Variants in AEBP2 observed in about 807,000 individuals in gnomAD.
AEBP2 encodes AE binding protein 2.
Under a neutral mutation model 50.8 loss-of-function variants are expected in AEBP2, and 10 were observed. That is an observed-to-expected ratio of 0.20 (90% CI 0.12 to 0.33). AEBP2 has a LOEUF of 0.33. Ranked by LOEUF, AEBP2 falls within the 10% of genes least tolerant of loss-of-function variation. The pLI is 1.00. For synonymous variants in AEBP2, 296 were observed against 261.3 expected, an observed-to-expected ratio of 1.13 and a Z score of -1.28; for missense variants, 570 against 688.0, an observed-to-expected ratio of 0.83 and a Z score of 1.92.
intron 3 of AEBP2, among the ~76,000 whole-genome samples, chr12:19,489,081 G>T (rs1460140392): frequency 6.6e-6 from 1 of 152,186 alleles, no homozygotes; most frequent in Non-Finnish European, 1.5e-5. Flanking sequence ...GAGCCACCAT[G>T]CCTGGCCAAC....
chr12:19,404,978 A>T (rs1237567774), intron 1 of AEBP2, among the ~76,000 whole-genome samples: 1 of 120,342 alleles, frequency 8.3e-6, no homozygotes, highest in Non-Finnish European at 1.6e-5. Context: ...TGTGTTGCCC[A>T]GGCTGGAGTG....
chr12:19,430,136 C>T (rs576539892), intron 1 of AEBP2, among the ~76,000 whole-genome samples: 1 of 152,194 alleles, frequency 6.6e-6, no homozygotes, highest in African/African-American at 2.4e-5. Context: ...TTTAATCCAT[C>T]TTGAATTGAT....
At chr12:19,448,439 C>T (rs1030552115) in intron 1 of AEBP2, among the ~76,000 whole-genome samples, 1 of 151,038 alleles carries the variant, frequency 6.6e-6, no homozygotes, top group African/African-American at 2.4e-5. Flanking sequence ...GATCTGAGAT[C>T]GTGCCATTGT....
intron 1 of AEBP2, among the ~76,000 whole-genome samples, chr12:19,424,948 G>T (rs1336576220): frequency 3.3e-5 from 5 of 152,128 alleles, no homozygotes; most frequent in Non-Finnish European, 5.9e-5. Context: ...GGTGGAGGTT[G>T]CATTGAGCTG....
At chr12:19,472,575 T>C (rs1475218658) in intron 2 of AEBP2, among the ~76,000 whole-genome samples, 1 of 152,168 alleles carries the variant, frequency 6.6e-6, no homozygotes, top group Non-Finnish European at 1.5e-5. Flanking sequence ...ATTCACTTAA[T>C]ATTTCGTATT....
rs183069608 is a variant in AEBP2 at position 19,480,178 on chromosome 12, C to T, written c.987+6823C>T. On this transcript the variant is annotated intron_variant, in intron 3 of 7. Coordinates refer to ENST00000266508, the MANE Select transcript of AEBP2 (RefSeq NM_153207.5). Reference sequence around the variant, plus strand: ...AGTGCAGTGGCACAATCTTGGCTCACTGCAACCTCAGCCTCTTGGGTTCAA... The same window carrying T: ...AGTGCAGTGGCACAATCTTGGCTCATTGCAACCTCAGCCTCTTGGGTTCAA... Among the ~76,000 whole-genome samples the T allele has an allele frequency of 2.6e-5, 4 of 152,284 alleles. No individual in the cohort carries two copies. The East Asian group carries it at 7.7e-4, about 29-fold the overall frequency.
At position 19,440,281 on chromosome 12, in the gene AEBP2, C is replaced by G; in HGVS notation, c.582C>G (p.Gly194=). The G allele has an allele frequency of 2.7e-6, 4 of 1,460,670 alleles. No individual in the cohort carries two copies. Among genetic ancestry groups the G allele is most frequent in the Non-Finnish European group, 3.6e-6 (4 of 1,114,786 alleles). The allele number at this position is 1,460,670 out of a possible 1,614,324, so 90.5% of individuals were successfully genotyped here. A position where few individuals can be genotyped will look rare whatever the true frequency, so the allele number is the denominator to read the frequency against. Residue 194 remains glycine, a synonymous_variant, in exon 1 of 8, where the codon GGC becomes GGG. Coordinates refer to ENST00000266508, the MANE Select transcript of AEBP2 (RefSeq NM_153207.5). ...GGDEGYGTGG[G]GSSATSGGRR... ...ACGAGGGCTACGGGACTGGGGGAGGCGGAAGCAGCGCGACCTCCGGGGGCC... is the reference window on the plus strand; with the variant it reads ...ACGAGGGCTACGGGACTGGGGGAGGGGGAAGCAGCGCGACCTCCGGGGGCC...
chr12:19,430,194 T>C (rs1452332814), intron 1 of AEBP2, among the ~76,000 whole-genome samples: 2 of 152,248 alleles, frequency 1.3e-5, no homozygotes, highest in African/African-American at 2.4e-5. Flanking sequence ...TTTCTACATA[T>C]GGCTAGCCAG....
intron 3 of AEBP2, among the ~76,000 whole-genome samples, chr12:19,493,358 A>G (rs1342667325): frequency 2.0e-5 from 3 of 152,202 alleles, no homozygotes; most frequent in Non-Finnish European, 2.9e-5. Context: ...CGGAGATCAC[A>G]CCACTGCATC....
intron 1 of AEBP2, 92 bp downstream of exon 1, chr12:19,440,462 C>T: frequency 2.8e-6 from 4 of 1,416,342 alleles, no homozygotes; most frequent in Non-Finnish European, 3.7e-6. Flanking sequence ...GCCGCGATCC[C>T]CCTGCTCCCC....
At chr12:19,489,474 A>G (rs2120418020) in intron 3 of AEBP2, among the ~76,000 whole-genome samples, 1 of 152,356 alleles carries the variant, frequency 6.6e-6, no homozygotes, top group East Asian at 1.9e-4. Context: ...TTATAATTCA[A>G]GATGAGATTT....
intron 1 of AEBP2, among the ~76,000 whole-genome samples, chr12:19,441,088 A>G (rs1947950629): frequency 6.6e-6 from 1 of 152,054 alleles, no homozygotes; most frequent in South Asian, 2.1e-4. Context: ...TGGAATCGTA[A>G]CAAAATACAG....
chr12:19,412,726 T>C (rs957143278), intron 1 of AEBP2, among the ~76,000 whole-genome samples: 1 of 152,082 alleles, frequency 6.6e-6, no homozygotes, highest in Non-Finnish European at 1.5e-5. Context: ...GAGAAATATG[T>C]TATGGAAAGG....
intron 2 of AEBP2, among the ~76,000 whole-genome samples, chr12:19,464,649 C>T (rs992923349): frequency 1.3e-5 from 2 of 151,170 alleles, no homozygotes; most frequent in African/African-American, 4.9e-5. Context: ...GGTAATGGTG[C>T]GGTCTCAGCT....
chr12:19,474,957 G>A (rs1219681865), intron 3 of AEBP2, among the ~76,000 whole-genome samples: 1 of 151,902 alleles, frequency 6.6e-6, no homozygotes, highest in East Asian at 1.9e-4. Context: ...CACGCCTGGC[G>A]AATTTTTATA....
intron 4 of AEBP2, among the ~76,000 whole-genome samples, chr12:19,494,913 A>G (rs535376269): frequency 2.6e-5 from 4 of 151,710 alleles, no homozygotes; most frequent in Non-Finnish European, 5.9e-5. Flanking sequence ...TTTTATTATT[A>G]TTATTATTTT....
At chr12:19,448,392 G>C (rs1454322274) in intron 1 of AEBP2, among the ~76,000 whole-genome samples, 9 of 152,090 alleles carry the variant, frequency 5.9e-5, no homozygotes, top group Non-Finnish European at 1.3e-4. Flanking sequence ...GGCTGAGGCA[G>C]GAGAATAGCT....
chr12:19,494,073 C>A, intron 4 of AEBP2, 87 bp downstream of exon 4: 1 of 1,375,466 alleles, frequency 7.3e-7, no homozygotes, highest in Non-Finnish European at 9.8e-7. Flanking sequence ...TGAACTTCAA[C>A]TCCTCTTCTA....
At chr12:19,482,452 G>T (rs1272037642) in intron 3 of AEBP2, among the ~76,000 whole-genome samples, 1 of 152,188 alleles carries the variant, frequency 6.6e-6, no homozygotes. Flanking sequence ...GATGTCGCAG[G>T]CAGTGGAATT....
Sources: gnomAD v4.1 joint callset for allele counts (sites outside exome capture counted in the v4.1 genomes callset) on GRCh38, gnomAD v4.1.1 for gene constraint, MANE v1.5 for transcripts, NCBI Gene and HGNC (gene_info 2026-07-23, HGNC 2026-07-21) for gene names.